The following DIS3L2 variants were observed in gnomAD, a reference collection of about 807,000 sequenced individuals.
The protein encoded by DIS3L2 is DIS3-like exonuclease 2.
DIS3L2 carries 34 observed loss-of-function variants against 97.5 expected under a neutral mutation model. That is an observed-to-expected ratio of 0.35 (90% CI 0.27 to 0.46). The LOEUF (loss-of-function observed/expected upper bound fraction) is 0.46. DIS3L2 is among the 20% of genes least tolerant of loss of function. DIS3L2 has a pLI of 1.00. For missense variants in DIS3L2, 1,038 were observed against 1,146.0 expected (o/e 0.91, Z 1.36); for synonymous variants, 435 against 445.2 (o/e 0.98, Z 0.29).
At chr2:232,287,358 T>C (rs1184878218) in intron 13 of DIS3L2, among the ~76,000 whole-genome samples, 1 of 148,516 alleles carries the variant, frequency 6.7e-6, no homozygotes, top group Admixed American at 6.7e-5. Context: ...TTGTTCATTT[T>C]CCTTCTTTTT....
At chr2:232,295,064 G>A (rs1372460315) in intron 13 of DIS3L2, among the ~76,000 whole-genome samples, 1 of 151,990 alleles carries the variant, frequency 6.6e-6, no homozygotes, top group Non-Finnish European at 1.5e-5. Flanking sequence ...CAGATATTCA[G>A]CTTGGACCAA....
intron 10 of DIS3L2, among the ~76,000 whole-genome samples, chr2:232,212,217 C>T (rs149594329): frequency 3.3e-5 from 5 of 152,352 alleles, no homozygotes; most frequent in Non-Finnish European, 7.3e-5. Flanking sequence ...GGCATATAGA[C>T]ACCACTTCCC....
chr2:232,128,516 G>A (rs1406521546), intron 6 of DIS3L2, among the ~76,000 whole-genome samples: 1 of 127,824 alleles, frequency 7.8e-6, no homozygotes, highest in African/African-American at 3.0e-5. Flanking sequence ...GTGCAGTGGT[G>A]CAATCTTGGC....
At chr2:232,318,385 G>T (rs1695334517) in intron 14 of DIS3L2, among the ~76,000 whole-genome samples, 1 of 152,226 alleles carries the variant, frequency 6.6e-6, no homozygotes, top group Non-Finnish European at 1.5e-5. Context: ...TGGCCCAGTT[G>T]TAAACATCAT....
intron 13 of DIS3L2, among the ~76,000 whole-genome samples, chr2:232,264,740 C>T (rs974839092): frequency 3.3e-5 from 5 of 152,212 alleles, no homozygotes; most frequent in African/African-American, 1.2e-4. Flanking sequence ...TGATTTTATC[C>T]TCCCTTTTGC....
chr2:232,034,367 A>T lies in DIS3L2; in HGVS notation c.366+4287A>T, dbSNP rs183309853. On this transcript the variant is annotated intron_variant, in intron 5 of 20. Transcript: ENST00000325385. ...TTGATTCTTCTCTCTTTTCTTCTTC[A>T]TTAGGCTGTCTACTGGTCTATCTAT... Among the ~76,000 whole-genome samples the T allele has an allele frequency of 4.8e-3, 732 of 152,078 alleles. 5 individuals carry two copies. The highest frequency in any genetic ancestry group is 7.4e-3 in the Non-Finnish European group (506 of 67,992).
chr2:232,115,463 A>G (rs1028739887), intron 6 of DIS3L2, among the ~76,000 whole-genome samples: 1 of 152,220 alleles, frequency 6.6e-6, no homozygotes, highest in Admixed American at 6.5e-5. Flanking sequence ...GAACCTGAGA[A>G]TCAGCTCCAC....
At chr2:232,112,109 T>C (rs1264999311) in intron 6 of DIS3L2, among the ~76,000 whole-genome samples, 1 of 152,224 alleles carries the variant, frequency 6.6e-6, no homozygotes, top group Non-Finnish European at 1.5e-5. Context: ...ATAAGGCTTT[T>C]GAGTTTCTGA....
intron 1 of DIS3L2, among the ~76,000 whole-genome samples, chr2:231,972,381 A>G (rs1490726082): frequency 4.6e-5 from 7 of 152,104 alleles, no homozygotes. Context: ...GCATCAACAC[A>G]AACACATGAC....
At chr2:232,149,272 G>T (rs1690326988) in intron 8 of DIS3L2, among the ~76,000 whole-genome samples, 4 of 140,172 alleles carry the variant, frequency 2.9e-5, no homozygotes, top group African/African-American at 5.4e-5. Flanking sequence ...ATGTATACAT[G>T]TGCCATGCTG....
intron 5 of DIS3L2, 150 bp downstream of exon 5, chr2:232,030,230 T>A (rs1694770070): frequency 4.5e-6 from 3 of 660,484 alleles, no homozygotes; most frequent in Admixed American, 3.4e-5. Flanking sequence ...TGCTACCGAA[T>A]GCTTGGAACT....
chr2:231,991,503 C>G (rs923221050), intron 1 of DIS3L2, among the ~76,000 whole-genome samples: 1 of 152,128 alleles, frequency 6.6e-6, no homozygotes, highest in African/African-American at 2.4e-5. Context: ...CTGCTGGGCT[C>G]AAAGGATCCT....
intron 13 of DIS3L2, 30 bp from the exon 14 acceptor site, chr2:232,300,010 A>C (rs1694815452): frequency 6.2e-7 from 1 of 1,608,902 alleles, no homozygotes; most frequent in African/African-American, 1.3e-5. Flanking sequence ...TGCTGCCTAA[A>C]ACTTCTTTTT....
At chr2:232,072,142 C>G (rs1696037639) in intron 5 of DIS3L2, among the ~76,000 whole-genome samples, 2 of 151,960 alleles carry the variant, frequency 1.3e-5, no homozygotes, top group African/African-American at 4.8e-5. Context: ...GACCAGAGTG[C>G]TTTTGATGTT....
chr2:232,205,718 G>A (rs1692011014), intron 9 of DIS3L2, among the ~76,000 whole-genome samples: 1 of 152,106 alleles, frequency 6.6e-6, no homozygotes, highest in South Asian at 2.1e-4. Flanking sequence ...ATCTCCTAGA[G>A]GCAAGTTAGG....
At chr2:232,250,081 A>G (rs1332180335) in intron 12 of DIS3L2, among the ~76,000 whole-genome samples, 2 of 152,200 alleles carry the variant, frequency 1.3e-5, no homozygotes, top group Non-Finnish European at 2.9e-5. Context: ...CCCTCCCTGC[A>G]AATGTAACAA....
At chr2:232,300,768 C>T (rs10804382) in intron 14 of DIS3L2, among the ~76,000 whole-genome samples, 15,516 of 151,556 alleles carry the variant, frequency 0.1, 1,484 homozygotes, top group East Asian at 0.45. Flanking sequence ...GATCCTCCCA[C>T]CTGTTTCCCG....
chr2:232,326,636 C>G lies in DIS3L2; in HGVS notation c.1740-3177C>G, dbSNP rs139542002. On this transcript the variant is annotated intron_variant, in intron 14 of 20. Transcript: ENST00000325385. ...AGGCTGCACCTGGGAAGTGGACTTT[C>G]TGTGGTGCTAGCTCCCTCCTCAGTG... Among the ~76,000 whole-genome samples, 1,315 of 148,814 alleles carry G rather than the reference C, an allele frequency of 8.8e-3. 51 individuals carry two copies. Among genetic ancestry groups the G allele is most frequent in the Admixed American group, 0.05 (756 of 15,030 alleles).
At chr2:232,274,663 T>G (rs1694093817) in intron 13 of DIS3L2, among the ~76,000 whole-genome samples, 1 of 152,228 alleles carries the variant, frequency 6.6e-6, no homozygotes, top group African/African-American at 2.4e-5. Context: ...GCCTGCAGTC[T>G]TATTAAGTAA....
Sources: allele counts gnomAD v4.1 joint callset (sites outside exome capture counted in the v4.1 genomes callset), GRCh38; gene constraint gnomAD v4.1.1; transcripts MANE v1.5; gene names NCBI Gene and HGNC (gene_info 2026-07-23, HGNC 2026-07-21).